The following TNFRSF10D variants were observed in gnomAD, a reference collection of about 807,000 sequenced individuals.
The protein encoded by TNFRSF10D is TNF receptor superfamily member 10d.
TNFRSF10D carries 28 observed loss-of-function variants against 42.1 expected under a neutral mutation model. The observed-to-expected ratio is 0.66, with a 90% CI of 0.49 to 0.91. The LOEUF is 0.91. TNFRSF10D is among the 40% of genes least tolerant of loss of function. TNFRSF10D has a pLI of 0.00. For missense variants in TNFRSF10D, 503 were observed against 486.1 expected, an observed-to-expected ratio of 1.03 and a Z score of -0.33; for synonymous variants, 186 against 189.4, an observed-to-expected ratio of 0.98 and a Z score of 0.15.
chr8:23,151,785 C>A (rs1176242784), intron 2 of TNFRSF10D, among the ~76,000 whole-genome samples: 1 of 152,176 alleles, frequency 6.6e-6, no homozygotes, highest in East Asian at 1.9e-4. Flanking sequence ...AAGAAACTAT[C>A]TGAAAAATCC....
Position 23,136,306 on chromosome 8 carries a change from T to C in TNFRSF10D, c.*1564A>G. 2 of 227,314 alleles carry C rather than the reference T, an allele frequency of 8.8e-6. No individual in the cohort carries two copies. The highest frequency in any genetic ancestry group is 1.2e-4 in the South Asian group (2 of 17,146). The allele number at this position is 227,314 out of a possible 1,614,324, so 14.1% of individuals were successfully genotyped here. A position where few individuals can be genotyped will look rare whatever the true frequency, so the allele number is the denominator to read the frequency against. ...ATCCTGTTGTCACAGTGTTTAAGAA[T>C]TGATATCTCTGAGATGAGTCAGATG... On this transcript the variant is annotated 3_prime_UTR_variant, in exon 9 of 9. Transcript: ENST00000312584.
At chr8:23,150,085 CA>C (rs1449893882) in intron 2 of TNFRSF10D, among the ~76,000 whole-genome samples, 1 of 152,168 alleles carries the variant, frequency 6.6e-6, no homozygotes, top group Non-Finnish European at 1.5e-5. Context: ...GCTAAGATAT[CA>C]GTCTTAGCTT....
At chr8:23,151,068 C>T (rs545406903) in intron 2 of TNFRSF10D, among the ~76,000 whole-genome samples, 771 of 151,706 alleles carry the variant, frequency 5.1e-3, no homozygotes, top group African/African-American at 0.016. Flanking sequence ...GCCCAAAAAA[C>T]CCCTAACAGA....
At chr8:23,141,634 C>T (rs1483951251) in intron 7 of TNFRSF10D, among the ~76,000 whole-genome samples, 1 of 151,776 alleles carries the variant, frequency 6.6e-6, no homozygotes, top group Non-Finnish European at 1.5e-5. Context: ...ACACAGAAAA[C>T]AACCCCATTA....
Position 23,138,357 on chromosome 8 carries a change from T to C in TNFRSF10D, c.955-97A>G, listed in dbSNP as rs370244167. 2,535 of 1,343,762 alleles carry C rather than the reference T, an allele frequency of 1.9e-3. No individual in the cohort carries two copies. In the African/African-American group the frequency reaches 0.02, roughly 11 times the overall value. The allele number at this position is 1,343,762 out of a possible 1,614,324, so 83.2% of individuals were successfully genotyped here. On this transcript the variant is annotated intron_variant, in intron 7 of 8. Transcript: ENST00000312584. ...AGCCAGCAAGAGACCTGCAGCGCTT[T>C]CCCTCTTGGGTCTCCATGGAGATGG...
At chr8:23,146,898 C>G in intron 4 of TNFRSF10D, 63 bp downstream of exon 4, 1 of 1,335,904 alleles carries the variant, frequency 7.5e-7, no homozygotes, top group Non-Finnish European at 1.1e-6. Context: ...GATAGAGGTA[C>G]CAGGTGAATC....
At chr8:23,142,616 G>C (rs1253760663) in intron 7 of TNFRSF10D, among the ~76,000 whole-genome samples, 2 of 152,154 alleles carry the variant, frequency 1.3e-5, no homozygotes, top group Non-Finnish European at 2.9e-5. Context: ...GGAGCGAGAG[G>C]AGGAAGGGGT....
intron 1 of TNFRSF10D, among the ~76,000 whole-genome samples, chr8:23,158,674 G>T (rs1800316402): frequency 1.3e-5 from 2 of 152,076 alleles, no homozygotes; most frequent in Non-Finnish European, 2.9e-5. Context: ...TTACCTTTTA[G>T]AATTCCACTT....
intron 6 of TNFRSF10D, among the ~76,000 whole-genome samples, 167 bp downstream of exon 6, chr8:23,144,891 G>A (rs113577648): frequency 0.012 from 1,785 of 152,250 alleles, 24 homozygotes; most frequent in African/African-American, 0.039. Flanking sequence ...TCTGTGTGCT[G>A]CTCAAAATGG....
chr8:23,145,187 C>T lies in TNFRSF10D; in HGVS notation c.737-98G>A. ...GCGCAGGGCTGGCTGGGGGCTGGGA[C>T]ACTGGACAAGGAGCCCTGGGGCTGG... is the stretch of plus-strand genomic sequence containing the variant. On this transcript the variant is annotated intron_variant, in intron 5 of 8. Transcript: ENST00000312584. 2.0e-6 allele frequency: 3 copies of T among 1,508,394 alleles called. No homozygotes were observed. In the South Asian group the frequency reaches 3.5e-5, roughly 18 times the overall value. The allele number at this position is 1,508,394 out of a possible 1,614,324, so 93.4% of individuals were successfully genotyped here. A position where few individuals can be genotyped will look rare whatever the true frequency, so the allele number is the denominator to read the frequency against.
chr8:23,163,433 G>GAACC, intron 1 of TNFRSF10D, among the ~76,000 whole-genome samples: 1 of 150,192 alleles, frequency 6.7e-6, no homozygotes, highest in African/African-American at 2.5e-5. Context: ...ACGAACGAAC[G>GAACC]AACGAACGAA....
rs150143989 is a variant in TNFRSF10D at position 23,136,313 on chromosome 8, C to T, written c.*1557G>A. The T allele has an allele frequency of 6.1e-3, 1,376 of 224,090 alleles. 1 individual carries two copies. The highest frequency in any genetic ancestry group is 0.022 in the South Asian group (371 of 16,602). 13.9% of individuals were successfully genotyped at this position (224,090 alleles called of 1,614,324 possible). On this transcript the variant is annotated 3_prime_UTR_variant, in exon 9 of 9. Transcript: ENST00000312584. ...TGTCACAGTGTTTAAGAATTGATATCTCTGAGATGAGTCAGATGCTTACAG... is the reference window on the plus strand; with the variant it reads ...TGTCACAGTGTTTAAGAATTGATATTTCTGAGATGAGTCAGATGCTTACAG...
At chr8:23,158,617 T>C (rs1309217228) in intron 1 of TNFRSF10D, among the ~76,000 whole-genome samples, 1 of 152,222 alleles carries the variant, frequency 6.6e-6, no homozygotes. Context: ...TACGGTTGTC[T>C]AGTCTAATTT....
In TNFRSF10D at chr8:23,137,956, T is replaced by G; in HGVS notation, c.1075A>C (p.Lys359Gln). The G allele has an allele frequency of 3.1e-6, 5 of 1,614,232 alleles. No homozygotes were observed. Among genetic ancestry groups the G allele is most frequent in the Non-Finnish European group, 4.2e-6 (5 of 1,180,036 alleles). Residue 359 changes from lysine to glutamine, a missense_variant, in exon 9 of 9, where the codon AAG becomes CAG. Transcript: ENST00000312584. ...ASATLEEGHA[K>Q]ETIQDQLVGS... ...ACCAGTTGGTCCTGAATTGTTTCCT[T>G]TGCATGTCCTTCTTCCAGTGTTGCC...
At chr8:23,145,423 GC>G (rs112294937) in intron 5 of TNFRSF10D, among the ~76,000 whole-genome samples, 1,656 of 152,304 alleles carry the variant, frequency 0.011, 24 homozygotes, top group African/African-American at 0.038. Context: ...GGAGGAACTG[GC>G]CCTGCCCTCC....
chr8:23,161,362 C>CG (rs1207805870), intron 1 of TNFRSF10D, among the ~76,000 whole-genome samples: 1 of 150,436 alleles, frequency 6.6e-6, no homozygotes, highest in African/African-American at 2.5e-5. Context: ...AAGAGAAGGG[C>CG]GGGGCGGAAG....
chr8:23,140,835 T>C (rs931801497), intron 7 of TNFRSF10D, among the ~76,000 whole-genome samples: 4 of 152,214 alleles, frequency 2.6e-5, no homozygotes, highest in African/African-American at 7.2e-5. Flanking sequence ...CCCAGCCATG[T>C]GGAACTGTGA....
At chr8:23,148,019 C>T (rs13438873) in intron 3 of TNFRSF10D, among the ~76,000 whole-genome samples, 14 of 145,896 alleles carry the variant, frequency 9.6e-5, no homozygotes, top group Middle Eastern at 3.7e-3. Flanking sequence ...GAGCCGAGAT[C>T]GCGCCACTGC....
In TNFRSF10D at chr8:23,135,831, G is replaced by C. The variant is rs1054284514; in HGVS notation, c.*2039C>G. 1 of 445,270 alleles carries C rather than the reference G, an allele frequency of 2.2e-6. No homozygotes were observed. Among genetic ancestry groups the C allele is most frequent in the Admixed American group, 2.4e-5 (1 of 41,764 alleles). The allele number at this position is 445,270 out of a possible 1,614,324, so 27.6% of individuals were successfully genotyped here. A position where few individuals can be genotyped will look rare whatever the true frequency, so the allele number is the denominator to read the frequency against. On this transcript the variant is annotated 3_prime_UTR_variant, in exon 9 of 9. Coordinates refer to ENST00000312584, the MANE Select transcript of TNFRSF10D (RefSeq NM_003840.5). ...AGGCCTCTGAGGAAGGGACAAAGGA[G>C]CTGGGACCGGACTGGCTCTCTCTGA...
Sources: allele counts gnomAD v4.1 joint callset (sites outside exome capture counted in the v4.1 genomes callset), GRCh38; gene constraint gnomAD v4.1.1; transcripts MANE v1.5; gene names NCBI Gene and HGNC (gene_info 2026-07-23, HGNC 2026-07-21).